The following NEBL variants were observed in gnomAD, a reference collection of about 807,000 sequenced individuals.
NEBL encodes LIM and SH3 protein 2.
NEBL carries 122 observed loss-of-function variants against 140.2 expected under a neutral mutation model. The ratio of observed to expected loss-of-function variants is 0.87; its 90% confidence interval spans 0.75 to 1.01. The LOEUF (loss-of-function observed/expected upper bound fraction) is 1.01. NEBL is among the 50% of genes least tolerant of loss of function. The pLI, the probability that NEBL is intolerant of heterozygous loss-of-function variation, is 0.00. For missense variants in NEBL, 1,365 were observed against 1,231.3 expected (o/e 1.11, Z -1.62); for synonymous variants, 436 against 398.9 (o/e 1.09, Z -1.11).
rs999131345 is a variant in NEBL, at chr10:21,029,030, A to G, written c.165-8829T>C. 7.5e-6 allele frequency: 6 copies of G among 799,410 alleles called. No homozygotes were observed. The African/African-American group carries it at 1.0e-4, about 14-fold the overall frequency. 49.5% of individuals were successfully genotyped at this position (799,410 alleles called of 1,614,324 possible). A position where few individuals can be genotyped will look rare whatever the true frequency, so the allele number is the denominator to read the frequency against. ...GCCTCAGCAAAAAAGACGAATAAGA[A>G]GAGGAAAACTATCTCCCTAACAGAC... On this transcript the variant is annotated intron_variant, in intron 2 of 6. Coordinates refer to the NEBL transcript ENST00000417816.
chr10:20,963,601 C>T (rs1445214454), intron 3 of NEBL, among the ~76,000 whole-genome samples: 1 of 152,008 alleles, frequency 6.6e-6, no homozygotes. Flanking sequence ...CACTATGTTA[C>T]CTAGGATGGT....
intron 2 of NEBL, among the ~76,000 whole-genome samples, chr10:21,133,357 G>A (rs138786863): frequency 1.1e-4 from 16 of 152,284 alleles, no homozygotes; most frequent in African/African-American, 2.2e-4. Flanking sequence ...CAGGCTTAGC[G>A]GAGGGGGCTC....
At chr10:21,015,254 C>T (rs964290493) in intron 3 of NEBL, among the ~76,000 whole-genome samples, 1 of 152,288 alleles carries the variant, frequency 6.6e-6, no homozygotes, top group East Asian at 1.9e-4. Context: ...TTTGGAGATG[C>T]CAGGGGCTTG....
At chr10:21,233,147 C>G (rs1359533582) in intron 3 of NEBL, among the ~76,000 whole-genome samples, 1 of 152,142 alleles carries the variant, frequency 6.6e-6, no homozygotes, top group African/African-American at 2.4e-5. Context: ...ACTGCAACCT[C>G]CACCTCCCAA....
In NEBL at chr10:20,864,293, T is replaced by A. The variant is rs376641589; in HGVS notation, c.684+4371A>T. ...AGATACATATGCACCAATCCCTTCA[T>A]CTTCGCATAGGAGATTTTTGTTTTA... On this transcript the variant is annotated intron_variant, in intron 7 of 27. Transcript: ENST00000377122. Among the ~76,000 whole-genome samples the A allele has an allele frequency of 4.6e-5, 7 of 152,326 alleles. No individual in the cohort carries two copies. The South Asian group carries it at 1.5e-3, about 32-fold the overall frequency.
chr10:21,072,394 G>T (rs187863951), intron 2 of NEBL, among the ~76,000 whole-genome samples: 1 of 152,274 alleles, frequency 6.6e-6, no homozygotes, highest in East Asian at 1.9e-4. Flanking sequence ...TCCAAAGAGG[G>T]TCACATTCTG....
chr10:21,246,927 T>C (rs1038249364), intron 3 of NEBL, among the ~76,000 whole-genome samples: 18 of 152,156 alleles, frequency 1.2e-4, no homozygotes, highest in Non-Finnish European at 2.5e-4. Context: ...ATTCCCAGTG[T>C]TGGGGGAGGA....
chr10:21,131,335 T>G (rs1839095647), intron 2 of NEBL, among the ~76,000 whole-genome samples: 1 of 152,196 alleles, frequency 6.6e-6, no homozygotes, highest in Non-Finnish European at 1.5e-5. Flanking sequence ...ATACCAATTC[T>G]CTACAATCTC....
chr10:21,123,457 G>T (rs1408477224), intron 2 of NEBL, among the ~76,000 whole-genome samples: 1 of 152,122 alleles, frequency 6.6e-6, no homozygotes, highest in Non-Finnish European at 1.5e-5. Flanking sequence ...TTCATACACT[G>T]AAGATATCAG....
At chr10:20,800,949 A>G (rs1837063673) in intron 26 of NEBL, among the ~76,000 whole-genome samples, 1 of 152,162 alleles carries the variant, frequency 6.6e-6, no homozygotes, top group Non-Finnish European at 1.5e-5. Flanking sequence ...CCTACAGGAT[A>G]AAATCCAAGG....
At chr10:21,100,099 C>T (rs968816782) in intron 2 of NEBL, among the ~76,000 whole-genome samples, 1 of 152,210 alleles carries the variant, frequency 6.6e-6, no homozygotes, top group Non-Finnish European at 1.5e-5. Flanking sequence ...TAGACACCCA[C>T]TCAGTCAAAA....
Position 21,143,257 on chromosome 10 carries a change from T to C in NEBL, c.164+29126A>G, listed in dbSNP as rs1202944290. On this transcript the variant is annotated intron_variant, in intron 2 of 6. Transcript: ENST00000417816. The stretch of plus-strand genomic sequence containing the variant: ...TGAAGTCAGGGGTTTGAGATCAGCC[T>C]GGCCAACATGGCGAAACCCTGTCTC... 2.0e-5 allele frequency among the ~76,000 whole-genome samples: 3 copies of C among 152,018 alleles called. No homozygotes were observed. In the East Asian group the frequency reaches 5.8e-4, roughly 29 times the overall value.
intron 3 of NEBL, among the ~76,000 whole-genome samples, chr10:21,000,704 A>T (rs764819786): frequency 5.3e-5 from 8 of 152,340 alleles, no homozygotes; most frequent in Non-Finnish European, 1.2e-4. Flanking sequence ...AAAACGAGAA[A>T]GCAACACCCC....
At chr10:21,020,267 C>G in intron 2 of NEBL, 3 of 1,388,222 alleles carry the variant, frequency 2.2e-6, no homozygotes, top group Non-Finnish European at 3.1e-6. Flanking sequence ...CTTTCACACC[C>G]ATTGTTTTGC....
At chr10:20,982,937 G>C (rs545165480) in intron 3 of NEBL, among the ~76,000 whole-genome samples, 36 of 152,190 alleles carry the variant, frequency 2.4e-4, no homozygotes, top group African/African-American at 8.7e-4. Flanking sequence ...TAAGACCTCA[G>C]AACATTCACT....
chr10:20,964,913 A>G (rs1380526440), intron 3 of NEBL, among the ~76,000 whole-genome samples: 1 of 152,176 alleles, frequency 6.6e-6, no homozygotes. Context: ...TTTACAATCA[A>G]AAGAATTCTG....
At chr10:20,868,120 C>A (rs1297188681) in intron 7 of NEBL, 1 of 148,746 alleles carries the variant, frequency 6.7e-6, no homozygotes, top group Non-Finnish European at 1.5e-5. Context: ...TCTGAAAGAA[C>A]TGACATCTTT....
At chr10:20,933,041 A>G (rs941182777) in intron 4 of NEBL, among the ~76,000 whole-genome samples, 11 of 152,212 alleles carry the variant, frequency 7.2e-5, no homozygotes, top group Non-Finnish European at 1.6e-4. Flanking sequence ...CACTTCAGAA[A>G]ATGCATGCAC....
chr10:21,013,167 C>T (rs146850708), intron 3 of NEBL, among the ~76,000 whole-genome samples: 2,533 of 152,264 alleles, frequency 0.017, 79 homozygotes, highest in African/African-American at 0.059. Flanking sequence ...ATCTGCTTAG[C>T]ACGCTGTGCT....
Sources: allele counts gnomAD v4.1 joint callset (sites outside exome capture counted in the v4.1 genomes callset), GRCh38; gene constraint gnomAD v4.1.1; transcripts MANE v1.5; gene names NCBI Gene and HGNC (gene_info 2026-07-23, HGNC 2026-07-21).